The following MIPOL1 variants were observed in gnomAD, a reference collection of about 807,000 sequenced individuals.
MIPOL1 encodes the protein mirror-image polydactyly 1.
A neutral mutation model predicts 60.9 loss-of-function variants in MIPOL1; 57 were observed. That is an observed-to-expected ratio of 0.94 (90% confidence interval 0.76 to 1.17). The LOEUF (loss-of-function observed/expected upper bound fraction) is 1.17. Among genes scored for constraint, MIPOL1 ranks in the 50% most tolerant of loss-of-function variants. MIPOL1 has a pLI of 0.00. For missense variants in MIPOL1, 551 were observed against 511.6 expected (o/e 1.08, Z -0.74); for synonymous variants, 179 against 168.8 (o/e 1.06, Z -0.47).
chr14:37,316,593 G>T (rs1487160064), intron 9 of MIPOL1, among the ~76,000 whole-genome samples: 2 of 143,040 alleles, frequency 1.4e-5, no homozygotes, highest in South Asian at 2.2e-4. Flanking sequence ...ATCTTGGGAG[G>T]TTTTTTTTTT....
intron 12 of MIPOL1, among the ~76,000 whole-genome samples, chr14:37,512,164 A>AAC (rs35664979): frequency 0.74 from 111,254 of 149,898 alleles, 41,366 homozygotes; most frequent in East Asian, 0.85. Flanking sequence ...CTATTGACCA[A>AAC]ACACACACAC....
intron 12 of MIPOL1, among the ~76,000 whole-genome samples, chr14:37,517,857 T>C (rs1244005651): frequency 6.6e-6 from 1 of 152,088 alleles, no homozygotes; most frequent in Non-Finnish European, 1.5e-5. Context: ...CCTTTGGAAG[T>C]ATATGGGAAA....
At chr14:37,545,583 T>C in intron 12 of MIPOL1, 1 of 543,090 alleles carries the variant, frequency 1.8e-6, no homozygotes, top group Non-Finnish European at 3.3e-6. Flanking sequence ...CTTTTTACTC[T>C]AAGATCATTA....
intron 11 of MIPOL1, among the ~76,000 whole-genome samples, chr14:37,456,885 C>T (rs2094482114): frequency 6.6e-6 from 1 of 152,162 alleles, no homozygotes; most frequent in South Asian, 2.1e-4. Context: ...CATATGAAAA[C>T]TCACTCTACA....
rs560779643 is a variant in MIPOL1 at position 37,403,060 on chromosome 14, A to C, written c.937-19795A>C. ...CAATATTCCTGCCTAGTGCGAAGGGAAAGGAGGGCTTCCCAATATCAGGGT... is the reference window on the plus strand; with the variant it reads ...CAATATTCCTGCCTAGTGCGAAGGGCAAGGAGGGCTTCCCAATATCAGGGT... On this transcript the variant is annotated intron_variant, in intron 10 of 12. Transcript: ENST00000684589. Among the ~76,000 whole-genome samples, 22 of 152,310 alleles carry C rather than the reference A, an allele frequency of 1.4e-4. No homozygotes were observed. The East Asian group carries it at 4.2e-3, about 29-fold the overall frequency.
rs1239304610 is a variant in MIPOL1 at position 37,548,637 on chromosome 14, G to A, written c.*1666G>A. The A allele has an allele frequency of 6.6e-6, 1 of 151,894 alleles. No individual in the cohort carries two copies. The highest frequency in any genetic ancestry group is 1.5e-5 in the Non-Finnish European group (1 of 67,840). 9.4% of individuals were successfully genotyped at this position (151,894 alleles called of 1,614,324 possible). ...ACATTATCTTTAAAGTCATCTGGGAGGTGCAGGTAAGTAAAGAGAAACAAT... is the reference window on the plus strand; with the variant it reads ...ACATTATCTTTAAAGTCATCTGGGAAGTGCAGGTAAGTAAAGAGAAACAAT... On this transcript the variant is annotated 3_prime_UTR_variant, in exon 13 of 13. Transcript: ENST00000684589.
chr14:37,372,754 CAA>C (rs34884132), intron 10 of MIPOL1, among the ~76,000 whole-genome samples: 1 of 132,008 alleles, frequency 7.6e-6, no homozygotes, highest in African/African-American at 2.8e-5. Flanking sequence ...GACTCCGTCT[CAA>C]AAAAAAAAAA....
At chr14:37,451,204 G>A (rs1410467966) in intron 11 of MIPOL1, among the ~76,000 whole-genome samples, 1 of 152,104 alleles carries the variant, frequency 6.6e-6, no homozygotes, top group African/African-American at 2.4e-5. Flanking sequence ...CTTTGTACAA[G>A]TTAATCTTCT....
At chr14:37,423,089 G>T in intron 11 of MIPOL1, 140 bp downstream of exon 11, 2 of 572,818 alleles carry the variant, frequency 3.5e-6, no homozygotes, top group South Asian at 2.5e-5. Flanking sequence ...AACTAAAAAA[G>T]ATTCAGGCTT....
intron 12 of MIPOL1, among the ~76,000 whole-genome samples, chr14:37,543,832 CCT>C (rs2095538306): frequency 6.6e-6 from 1 of 152,016 alleles, no homozygotes; most frequent in South Asian, 2.1e-4. Context: ...ATTGTGTTCC[CCT>C]GTCTACATCA....
At chr14:37,398,482 T>C (rs141456497) in intron 10 of MIPOL1, among the ~76,000 whole-genome samples, 206 of 152,280 alleles carry the variant, frequency 1.4e-3, no homozygotes, top group African/African-American at 4.6e-3. Flanking sequence ...TGCAATGTAG[T>C]CCTGCCTCCC....
intron 12 of MIPOL1, among the ~76,000 whole-genome samples, chr14:37,521,691 G>A (rs771777939): frequency 4.0e-5 from 6 of 151,782 alleles, no homozygotes; most frequent in Non-Finnish European, 8.8e-5. Context: ...ACTATTCTGC[G>A]GATCTCTTCC....
intron 11 of MIPOL1, among the ~76,000 whole-genome samples, chr14:37,461,535 C>G (rs563358691): frequency 1.3e-5 from 2 of 152,254 alleles, no homozygotes; most frequent in African/African-American, 4.8e-5. Flanking sequence ...CCTCCCAAAT[C>G]TCATATCTTC....
intron 11 of MIPOL1, among the ~76,000 whole-genome samples, chr14:37,430,312 C>A (rs2094037709): frequency 6.6e-6 from 1 of 151,870 alleles, no homozygotes; most frequent in Non-Finnish European, 1.5e-5. Context: ...AAATTTGTTA[C>A]CCCTTTATAT....
intron 1 of MIPOL1, among the ~76,000 whole-genome samples, chr14:37,219,850 AT>A (rs1389984407): frequency 6.6e-6 from 1 of 152,140 alleles, no homozygotes; most frequent in African/African-American, 2.4e-5. Flanking sequence ...ATGCTTACAT[AT>A]TTAGGGTTGC....
intron 11 of MIPOL1, among the ~76,000 whole-genome samples, chr14:37,479,997 A>T (rs1001425710): frequency 3.3e-5 from 5 of 152,158 alleles, no homozygotes; most frequent in Non-Finnish European, 7.4e-5. Flanking sequence ...GAAAAAGTAG[A>T]AAATCTAAAC....
At chr14:37,217,751 A>T (rs900032933) in intron 1 of MIPOL1, among the ~76,000 whole-genome samples, 1 of 152,178 alleles carries the variant, frequency 6.6e-6, no homozygotes, top group Non-Finnish European at 1.5e-5. Context: ...AACATAATAA[A>T]AGCCAGATAT....
At chr14:37,507,826 T>C (rs1338181914) in intron 12 of MIPOL1, 4 of 152,148 alleles carry the variant, frequency 2.6e-5, no homozygotes, top group South Asian at 4.1e-4. Flanking sequence ...CATTTAACCA[T>C]AGACAGATGA....
intron 12 of MIPOL1, among the ~76,000 whole-genome samples, chr14:37,526,455 C>T (rs2095447409): frequency 6.6e-6 from 1 of 151,044 alleles, no homozygotes; most frequent in Non-Finnish European, 1.5e-5. Flanking sequence ...CTGCAAGCTC[C>T]ACCTCCCCGG....
Sources: gnomAD v4.1 joint callset for allele counts (sites outside exome capture counted in the v4.1 genomes callset) on GRCh38, gnomAD v4.1.1 for gene constraint, MANE v1.5 for transcripts, NCBI Gene and HGNC (gene_info 2026-07-23, HGNC 2026-07-21) for gene names.